Variants in IPO9 observed in about 807,000 individuals in gnomAD.
The protein encoded by IPO9 is importin 9, also known as importin-9.
IPO9 carries 28 observed loss-of-function variants against 128.6 expected under a neutral mutation model. The ratio of observed to expected loss-of-function variants is 0.22; its 90% CI spans 0.16 to 0.30. IPO9 has a LOEUF of 0.30. Among genes scored for constraint, IPO9 ranks in the 10% least tolerant of loss-of-function variants. The pLI, the probability that IPO9 is intolerant of heterozygous loss-of-function variation, is 1.00. For synonymous variants in IPO9, 455 were observed against 475.8 expected (o/e 0.96, Z 0.57); for missense variants, 935 against 1,293.9 (o/e 0.72, Z 4.26).
chr1:201,845,026 G>A (rs1023853151), intron 1 of IPO9, among the ~76,000 whole-genome samples: 2 of 87,556 alleles, frequency 2.3e-5, no homozygotes, highest in East Asian at 4.8e-4. Flanking sequence ...TTTTTTGGGA[G>A]GGGGGGGCGT....
intron 1 of IPO9, among the ~76,000 whole-genome samples, chr1:201,833,562 T>G (rs1255437804): frequency 6.6e-6 from 1 of 152,168 alleles, no homozygotes; most frequent in African/African-American, 2.4e-5. Context: ...TGAGCCCCTG[T>G]GCTTGCTATT....
At chr1:201,829,659 C>A in intron 1 of IPO9, 1 of 307,114 alleles carries the variant, frequency 3.3e-6, no homozygotes, top group Non-Finnish European at 6.0e-6. Context: ...GGAGATGGAG[C>A]TAGACTTGGT....
intron 1 of IPO9, among the ~76,000 whole-genome samples, chr1:201,830,758 G>A (rs1027847074): frequency 6.6e-6 from 1 of 152,146 alleles, no homozygotes; most frequent in African/African-American, 2.4e-5. Context: ...AATAAAACTT[G>A]AGAGTCTGGT....
At chr1:201,869,795 A>G (rs1454771871) in intron 17 of IPO9, 77 bp downstream of exon 17, 47 of 1,492,576 alleles carry the variant, frequency 3.1e-5, no homozygotes, top group Non-Finnish European at 4.2e-5. Flanking sequence ...GAAATCTGAC[A>G]TGGTTTTATG....
chr1:201,849,750 C>T (rs1165385921), intron 4 of IPO9, among the ~76,000 whole-genome samples: 1 of 152,190 alleles, frequency 6.6e-6, no homozygotes, highest in Non-Finnish European at 1.5e-5. Flanking sequence ...CCACTATATT[C>T]GTATTGATTG....
intron 4 of IPO9, among the ~76,000 whole-genome samples, chr1:201,851,433 G>T (rs1369808161): frequency 2.0e-5 from 3 of 151,452 alleles, no homozygotes; most frequent in African/African-American, 4.9e-5. Context: ...CCTTTGTGCT[G>T]TCTCAGTGCC....
intron 1 of IPO9, among the ~76,000 whole-genome samples, chr1:201,836,968 T>A (rs1292620735): frequency 2.0e-5 from 3 of 152,262 alleles, no homozygotes; most frequent in African/African-American, 7.2e-5. Context: ...TATCTGCTTT[T>A]GAGCAAATAT....
At chr1:201,872,755 A>G in intron 19 of IPO9, 73 bp from the exon 20 acceptor site, 10 of 1,528,428 alleles carry the variant, frequency 6.5e-6, no homozygotes, top group Non-Finnish European at 8.0e-6. Flanking sequence ...GTCTTAGGAC[A>G]TAATTGCTTA....
At chr1:201,868,900 G>T in intron 16 of IPO9, 104 bp downstream of exon 16, 1 of 1,387,440 alleles carries the variant, frequency 7.2e-7, no homozygotes, top group Non-Finnish European at 9.5e-7. Flanking sequence ...GAGATTCATG[G>T]GGTGATTTTG....
chr1:201,867,073 C>T, intron 15 of IPO9, 114 bp downstream of exon 15: 1 of 829,066 alleles, frequency 1.2e-6, no homozygotes, highest in Non-Finnish European at 1.9e-6. Context: ...ATGGTTTTAA[C>T]ATCGTAAGCA....
At position 201,874,884 on chromosome 1, in the gene IPO9, G is replaced by A; in HGVS notation, c.2886G>A (p.Glu962=). The A allele has an allele frequency of 6.2e-7, 1 of 1,613,696 alleles. No individual in the cohort carries two copies. Among genetic ancestry groups the A allele is most frequent in the Non-Finnish European group, 8.5e-7 (1 of 1,179,576 alleles). The change falls in exon 22 of 24, where the codon GAG becomes GAA. Residue 962 remains glutamate, a synonymous_variant. Transcript: ENST00000361565. ...AGGAGGAGGAAGAGGAGGAGGAGGA[G>A]GATGGTTTAGCTGGCCAACTTTTAT... is the stretch of plus-strand genomic sequence containing the variant. ...EDQEEEEEEE[E]DGLAGQLLSD...
At position 201,870,747 on chromosome 1, in the gene IPO9, T is replaced by C. The variant is rs749475045; in HGVS notation, c.2298T>C (p.Leu766=). The C allele has an allele frequency of 8.7e-6, 14 of 1,614,110 alleles. No homozygotes were observed. The East Asian group carries it at 3.1e-4, about 36-fold the overall frequency. The change falls in exon 18 of 24, where the codon CTT becomes CTC. Residue 766 remains leucine (L), a synonymous_variant. Coordinates refer to ENST00000361565, the MANE Select transcript of IPO9 (RefSeq NM_018085.5). This position sits in a 1 kb window ranked among gnomAD's most constrained non-coding sequence, Gnocchi z 4.9. ...TCACTGCGGCCTTTGTGGGCCGCCT[T>C]GTTTCCACCCTCATCTCCAAGGCAG... ...SEFTAAFVGR[L]VSTLISKAGR... is the part of the protein sequence containing the mutation.
intron 1 of IPO9, among the ~76,000 whole-genome samples, chr1:201,839,948 A>G: frequency 6.6e-6 from 1 of 152,242 alleles, no homozygotes; most frequent in East Asian, 1.9e-4. Flanking sequence ...TAATATATAA[A>G]GAATTCTTAA....
chr1:201,872,775 A>C, intron 19 of IPO9, 53 bp from the exon 20 acceptor site: 1 of 1,572,288 alleles, frequency 6.4e-7, no homozygotes, highest in Non-Finnish European at 8.6e-7. Flanking sequence ...ATCTCCTTGG[A>C]GTGAACTCGA....
chr1:201,864,938 A>C (rs1186206581), intron 14 of IPO9, among the ~76,000 whole-genome samples: 2 of 152,244 alleles, frequency 1.3e-5, no homozygotes, highest in African/African-American at 2.4e-5. Flanking sequence ...GATGTAACAG[A>C]TATCTCTGTA....
intron 6 of IPO9, among the ~76,000 whole-genome samples, chr1:201,854,164 C>T (rs574376150): frequency 1.6e-4 from 24 of 152,366 alleles, no homozygotes; most frequent in South Asian, 1.2e-3. Context: ...TGAGCCACCA[C>T]ACCTGGCCTG....
In IPO9 at chr1:201,836,119, C is replaced by CAAAAAAAAAAAAAAAAA. The variant is rs34447985; in HGVS notation, c.163+6755_163+6771dup. 3.6e-5 allele frequency among the ~76,000 whole-genome samples: 2 copies of CAAAAAAAAAAAAAAAAA among 55,350 alleles called. 1 individual carries two copies. Among genetic ancestry groups the CAAAAAAAAAAAAAAAAA allele is most frequent in the Non-Finnish European group, 6.1e-5 (2 of 32,964 alleles). The allele number at this position is 55,350 out of a possible 152,430, so 36.3% of individuals were successfully genotyped here. ...TGGGTGACAGAGCAAGACTCCATCT[C>CAAAAAAAAAAAAAAAAA]AAAAAAAAAAAAAAAAAAAAAAAAC... On this transcript the variant is annotated intron_variant, in intron 1 of 23. Coordinates refer to ENST00000361565, the MANE Select transcript of IPO9 (RefSeq NM_018085.5).
intron 21 of IPO9, 60 bp downstream of exon 21, chr1:201,874,432 CAA>C: frequency 6.4e-7 from 1 of 1,552,804 alleles, no homozygotes; most frequent in Non-Finnish European, 8.7e-7. Context: ...TACAAATTGT[CAA>C]ATTATCAACT....
intron 1 of IPO9, among the ~76,000 whole-genome samples, chr1:201,838,741 A>G (rs1679984633): frequency 6.6e-6 from 1 of 152,230 alleles, no homozygotes; most frequent in Non-Finnish European, 1.5e-5. Context: ...CATAATAAGA[A>G]TGAATTAAGA....
Sources: gnomAD v4.1 joint callset for allele counts (sites outside exome capture counted in the v4.1 genomes callset) on GRCh38, gnomAD v4.1.1 for gene constraint, Gnocchi (gnomAD v3.1) non-coding constraint, MANE v1.5 for transcripts, NCBI Gene and HGNC (gene_info 2026-07-23, HGNC 2026-07-21) for gene names.